The following HS6ST2 variants were observed in gnomAD, a reference collection of about 807,000 sequenced individuals.
The protein encoded by HS6ST2 is heparan-sulfate 6-O-sulfotransferase 2.
A neutral mutation model predicts 33.0 loss-of-function variants in HS6ST2; 17 were observed. That is an observed-to-expected ratio of 0.52 (90% CI 0.35 to 0.77). The LOEUF (loss-of-function observed/expected upper bound fraction) is 0.77, where lower values mean the gene tolerates loss of function less well. Ranked by LOEUF, HS6ST2 falls within the 30% of genes least tolerant of loss-of-function variation. The pLI, the probability that HS6ST2 is intolerant of heterozygous loss-of-function variation, is 0.01. For missense variants in HS6ST2, 519 were observed against 551.7 expected, an observed-to-expected ratio of 0.94 and a Z score of 0.59; for synonymous variants, 248 against 237.1, an observed-to-expected ratio of 1.05 and a Z score of -0.42.
intron 2 of HS6ST2, among the ~76,000 whole-genome samples, chrX:132,831,724 G>C (rs780534015): frequency 8.9e-6 from 1 of 112,333 alleles, no homozygotes; most frequent in South Asian, 3.7e-4. Context: ...GGGCAACAAT[G>C]TTTCTCTTCA....
intron 2 of HS6ST2, among the ~76,000 whole-genome samples, chrX:132,910,313 C>T (rs1253097328): frequency 9.0e-6 from 1 of 111,214 alleles, no homozygotes; most frequent in East Asian, 2.8e-4. Context: ...CAAATCATCC[C>T]AGAACCAATT....
chrX:132,922,229 C>T (rs901227078), intron 2 of HS6ST2, among the ~76,000 whole-genome samples: 2 of 111,489 alleles, frequency 1.8e-5, no homozygotes, highest in Admixed American at 9.5e-5. Flanking sequence ...GGTGAAACCC[C>T]GTCTCTACTA....
chrX:132,944,420 C>T (rs1480403797), intron 2 of HS6ST2, among the ~76,000 whole-genome samples: 2 of 111,286 alleles, frequency 1.8e-5, no homozygotes, highest in South Asian at 3.8e-4. Flanking sequence ...TGAAAACGGC[C>T]GTACTGCCCA....
In HS6ST2 at chrX:132,900,299, A is replaced by G. The variant is rs191639854; in HGVS notation, c.947+56509T>C. 1.7e-4 allele frequency among the ~76,000 whole-genome samples: 19 copies of G among 112,166 alleles called. No homozygotes were observed. In the East Asian group the frequency reaches 5.3e-3, roughly 31 times the overall value. On this transcript the variant is annotated intron_variant, in intron 2 of 4. Transcript: ENST00000370833. ...AAGTTCTTTCATCACAAGGAAAATA[A>G]CACCAGATGGGATGCTGGAGCTACA...
intron 2 of HS6ST2, among the ~76,000 whole-genome samples, chrX:132,792,270 C>A (rs1325639889): frequency 8.9e-6 from 1 of 111,828 alleles, no homozygotes; most frequent in Non-Finnish European, 1.9e-5. Context: ...TCTCCTCCGC[C>A]ATGGCATCAA....
intron 2 of HS6ST2, among the ~76,000 whole-genome samples, chrX:132,765,119 A>G (rs2064834718): frequency 1.8e-5 from 2 of 112,318 alleles, no homozygotes; most frequent in East Asian, 5.6e-4. Context: ...GATGGCTACA[A>G]CTGCTCCCCT....
At chrX:132,665,749 AG>A in intron 4 of HS6ST2, among the ~76,000 whole-genome samples, 1 of 83,392 alleles carries the variant, frequency 1.2e-5, no homozygotes, top group East Asian at 3.7e-4. Flanking sequence ...TCTGCACTGA[AG>A]TTTTTTTTTT....
chrX:132,801,318 A>G (rs1240146526), intron 2 of HS6ST2, among the ~76,000 whole-genome samples: 3 of 111,320 alleles, frequency 2.7e-5, no homozygotes, highest in Non-Finnish European at 5.6e-5. Flanking sequence ...TTCTATAGTT[A>G]TAATATCCTC....
At chrX:132,846,916 A>G (rs757488420) in intron 2 of HS6ST2, among the ~76,000 whole-genome samples, 8 of 110,918 alleles carry the variant, frequency 7.2e-5, no homozygotes, top group African/African-American at 1.6e-4. Flanking sequence ...AATGATCATC[A>G]GTCCACCTGC....
chrX:132,746,208 G>T (rs1267721388), intron 2 of HS6ST2, among the ~76,000 whole-genome samples: 2 of 111,424 alleles, frequency 1.8e-5, no homozygotes, highest in Non-Finnish European at 3.8e-5. Context: ...AGTTAATGTG[G>T]TTTTTGCCAT....
At chrX:132,735,760 T>A (rs1186895774) in intron 2 of HS6ST2, among the ~76,000 whole-genome samples, 3 of 112,213 alleles carry the variant, frequency 2.7e-5, no homozygotes, top group African/African-American at 9.7e-5. Flanking sequence ...CTTTTCCTGA[T>A]ATCAGGATTG....
At chrX:132,892,483 C>T (rs963367105) in intron 2 of HS6ST2, among the ~76,000 whole-genome samples, 3 of 111,997 alleles carry the variant, frequency 2.7e-5, no homozygotes, top group African/African-American at 9.7e-5. Context: ...CCAAGACCCC[C>T]TGTGGTACCA....
At chrX:132,840,185 G>T (rs2065695406) in intron 2 of HS6ST2, among the ~76,000 whole-genome samples, 1 of 111,536 alleles carries the variant, frequency 9.0e-6, no homozygotes, top group African/African-American at 3.3e-5. Context: ...TGTGAACTGG[G>T]TCAACCACTT....
intron 2 of HS6ST2, among the ~76,000 whole-genome samples, chrX:132,890,668 T>C (rs777704611): frequency 2.6e-4 from 29 of 110,626 alleles, no homozygotes; most frequent in Admixed American, 6.7e-4. Flanking sequence ...ATTTTGCAGA[T>C]AGATATTGAA....
At chrX:132,902,593 T>A in intron 2 of HS6ST2, among the ~76,000 whole-genome samples, 2 of 111,946 alleles carry the variant, frequency 1.8e-5, no homozygotes, top group Admixed American at 1.9e-4. Flanking sequence ...TACTTTGGCA[T>A]CCAACAAGGA....
chrX:132,951,410 A>T (rs2067015138), intron 2 of HS6ST2, among the ~76,000 whole-genome samples: 1 of 110,999 alleles, frequency 9.0e-6, no homozygotes, highest in Admixed American at 9.6e-5. Flanking sequence ...GTGCCCACCC[A>T]CAATGCCTCC....
intron 2 of HS6ST2, among the ~76,000 whole-genome samples, chrX:132,857,313 G>A (rs1036685573): frequency 2.5e-4 from 28 of 110,438 alleles, no homozygotes; most frequent in Non-Finnish European, 4.5e-4. Context: ...GTGAAACCCC[G>A]CCTCTACTAA....
At chrX:132,756,672 C>T (rs748480580) in intron 2 of HS6ST2, among the ~76,000 whole-genome samples, 1 of 111,007 alleles carries the variant, frequency 9.0e-6, no homozygotes, top group East Asian at 2.9e-4. Flanking sequence ...TCTTTCCCTA[C>T]CTCTAAAACA....
chrX:132,784,777 G>T (rs1454696761), intron 2 of HS6ST2, among the ~76,000 whole-genome samples: 1 of 111,808 alleles, frequency 8.9e-6, no homozygotes, highest in African/African-American at 3.3e-5. Flanking sequence ...ACTTCATTTG[G>T]TCGGGCTGGC....
Sources: allele counts gnomAD v4.1 joint callset (sites outside exome capture counted in the v4.1 genomes callset), GRCh38; gene constraint gnomAD v4.1.1; transcripts MANE v1.5; gene names NCBI Gene and HGNC (gene_info 2026-07-23, HGNC 2026-07-21).